The following CEP295 variants were observed in gnomAD, a reference collection of about 807,000 sequenced individuals.
The protein encoded by CEP295 is centrosomal protein 295.
Under a neutral mutation model 291.6 loss-of-function variants are expected in CEP295, and 190 were observed. That is an observed-to-expected ratio of 0.65 (90% CI 0.58 to 0.73). The LOEUF (loss-of-function observed/expected upper bound fraction) is 0.73. CEP295 is among the 30% of genes least tolerant of loss of function. CEP295 has a pLI of 0.00. For missense variants in CEP295, 2,863 were observed against 2,949.4 expected, an observed-to-expected ratio of 0.97 and a Z score of 0.68; for synonymous variants, 993 against 1,038.8, an observed-to-expected ratio of 0.96 and a Z score of 0.85.
In CEP295 at chr11:93,675,615, T is replaced by C. The variant is rs766307274; in HGVS notation, c.573T>C (p.Ser191=). The change falls in exon 6 of 30, where the codon TCT becomes TCC. Residue 191 remains serine (S), a synonymous_variant. Transcript: ENST00000325212. ...KRISAVKTNS[S]TYHHLHTFVN... ...TTTCTGCAGTCAAAACCAATAGTTC[T>C]ACCTACCATCATCTTCACACTTTTG... The C allele has an allele frequency of 6.6e-7, 1 of 1,513,706 alleles. No individual in the cohort carries two copies. Among genetic ancestry groups the C allele is most frequent in the South Asian group, 1.3e-5 (1 of 76,954 alleles). The allele number at this position is 1,513,706 out of a possible 1,614,324, so 93.8% of individuals were successfully genotyped here.
In CEP295 at chr11:93,721,307, T is replaced by C. The variant is rs1189704669; in HGVS notation, c.5750-5T>C. ...CCATCTTGAACTCCAAAATCCATTT[T>C]TCAGTTAAGCTGAAGGAATCTGTTG... On this transcript the variant is annotated splice_region_variant and splice_polypyrimidine_tract_variant and intron_variant, in intron 18 of 29. Transcript: ENST00000325212. 2.6e-6 allele frequency: 4 copies of C among 1,540,286 alleles called. No homozygotes were observed. The highest frequency in any genetic ancestry group is 3.5e-6 in the Non-Finnish European group (4 of 1,136,052).
At position 93,727,241 on chromosome 11, in the gene CEP295, T is replaced by C; in HGVS notation, c.6765T>C (p.His2255=). The part of the protein sequence containing the change: ...ANVFDQLNVQ[H]STPCGSNSSE... ...TATTTGATCAGTTAAATGTACAGCATAGCACTCCATGTGGTTCTAACTCTA... is the reference window on the plus strand; with the variant it reads ...TATTTGATCAGTTAAATGTACAGCACAGCACTCCATGTGGTTCTAACTCTA... Residue 2255 remains histidine, a synonymous_variant, in exon 24 of 30, where the codon CAT becomes CAC. Coordinates refer to ENST00000325212, the MANE Select transcript of CEP295 (RefSeq NM_033395.2). 6.4e-7 allele frequency: 1 copy of C among 1,551,756 alleles called. No individual in the cohort carries two copies. Among genetic ancestry groups the C allele is most frequent in the Non-Finnish European group, 8.7e-7 (1 of 1,146,964 alleles).
intron 6 of CEP295, among the ~76,000 whole-genome samples, chr11:93,677,801 G>A (rs1262686259): frequency 6.6e-6 from 1 of 152,068 alleles, no homozygotes; most frequent in African/African-American, 2.4e-5. Flanking sequence ...AATATCTGAT[G>A]TACAAGATTC....
chr11:93,717,022 G>A (rs1361625063), intron 18 of CEP295, among the ~76,000 whole-genome samples: 2 of 152,202 alleles, frequency 1.3e-5, no homozygotes, highest in Non-Finnish European at 2.9e-5. Flanking sequence ...TATGTTGAAG[G>A]AGTGCTGGGA....
chr11:93,694,404 A>G (rs1275468241), intron 12 of CEP295, among the ~76,000 whole-genome samples: 1 of 152,198 alleles, frequency 6.6e-6, no homozygotes, highest in Non-Finnish European at 1.5e-5. Context: ...CCACTGATAG[A>G]AGATTTACTT....
At chr11:93,722,312 G>C (rs924017790) in intron 20 of CEP295, among the ~76,000 whole-genome samples, 3 of 151,864 alleles carry the variant, frequency 2.0e-5, no homozygotes, top group Admixed American at 2.0e-4. Context: ...AAATACAAAA[G>C]TTAGCCAGGT....
At position 93,667,787 on chromosome 11, in the gene CEP295, C is replaced by T; in HGVS notation, c.289C>T (p.His97Tyr). ...LASLRSMGEG[H>Y]RQAKENEPDL... ...AAGTTTAAGAAGTATGGGAGAGGGA[C>T]ATCGACAGGCCAAAGAAAATGTGAG... Residue 97 changes from histidine (H) to tyrosine (Y), a missense_variant, in exon 3 of 30, where the codon CAT (histidine) becomes TAT (tyrosine). This residue lies in a region of CEP295 where 554 missense variants were observed against 576.0 expected (regional missense o/e 0.96). Coordinates refer to ENST00000325212, the MANE Select transcript of CEP295 (RefSeq NM_033395.2). The T allele has an allele frequency of 1.9e-6, 3 of 1,550,136 alleles. No individual in the cohort carries two copies. The highest frequency in any genetic ancestry group is 2.4e-5 in the East Asian group (1 of 40,878).
At chr11:93,694,528 C>G (rs974901128) in intron 12 of CEP295, among the ~76,000 whole-genome samples, 1 of 152,100 alleles carries the variant, frequency 6.6e-6, no homozygotes, top group Non-Finnish European at 1.5e-5. Context: ...ATCAAAATTG[C>G]CAGCATTACT....
intron 16 of CEP295, 38 bp from the exon 17 acceptor site, chr11:93,702,738 A>AT: frequency 6.5e-7 from 1 of 1,547,608 alleles, no homozygotes; most frequent in Non-Finnish European, 8.7e-7. Flanking sequence ...ATGTTAATAG[A>AT]TTTTGTATTG....
chr11:93,696,971 G>T lies in CEP295; in HGVS notation c.2059G>T (p.Val687Leu), dbSNP rs748628916. 1.2e-5 allele frequency: 18 copies of T among 1,551,732 alleles called. No homozygotes were observed. The highest frequency in any genetic ancestry group is 1.6e-5 in the Non-Finnish European group (18 of 1,147,044). Residue 687 changes from valine to leucine, a missense_variant, in exon 15 of 30, where the codon GTG becomes TTG. Transcript: ENST00000325212. ...ARQNHFPQRQ[V>L]ETTETLRASD... ...ACAAAATCACTTTCCACAAAGACAGGTGGAAACAACAGAAACATTACGCGC... is the reference window on the plus strand; with the variant it reads ...ACAAAATCACTTTCCACAAAGACAGTTGGAAACAACAGAAACATTACGCGC...
At chr11:93,729,383 C>T in intron 25 of CEP295, 51 bp from the exon 26 acceptor site, 1 of 1,258,706 alleles carries the variant, frequency 7.9e-7, no homozygotes, top group Admixed American at 2.0e-5. Context: ...CAGAGCAAGA[C>T]CCGCTTAAAG....
At chr11:93,726,470 C>A (rs981382763) in intron 23 of CEP295, among the ~76,000 whole-genome samples, 2 of 152,194 alleles carry the variant, frequency 1.3e-5, no homozygotes, top group Non-Finnish European at 2.9e-5. Flanking sequence ...TATAGTGGCT[C>A]ACGCCTGTAA....
intron 6 of CEP295, 145 bp downstream of exon 6, chr11:93,675,811 T>G (rs151011806): frequency 1.1e-5 from 6 of 525,870 alleles, no homozygotes; most frequent in African/African-American, 8.1e-5. Flanking sequence ...TTAAATGCTT[T>G]GAATTTTCAT....
intron 7 of CEP295, among the ~76,000 whole-genome samples, chr11:93,681,921 A>G (rs1944105): frequency 0.91 from 137,745 of 151,544 alleles, 63,578 homozygotes; most frequent in Non-Finnish European, 0.99. Context: ...TGAGGATTCA[A>G]TGAGTTTTCC....
At chr11:93,725,089 T>C (rs1489602417) in intron 22 of CEP295, among the ~76,000 whole-genome samples, 1 of 151,936 alleles carries the variant, frequency 6.6e-6, no homozygotes, top group South Asian at 2.1e-4. Flanking sequence ...ATCCCATCTC[T>C]ACTAAAAAAC....
chr11:93,720,430 C>T (rs1015984336), intron 18 of CEP295, among the ~76,000 whole-genome samples: 9 of 139,652 alleles, frequency 6.4e-5, no homozygotes, highest in African/African-American at 2.1e-4. Context: ...GTCGAGATTG[C>T]GCCACTGCAT....
chr11:93,715,668 T>C (rs1312203247), intron 18 of CEP295, among the ~76,000 whole-genome samples: 2 of 152,002 alleles, frequency 1.3e-5, no homozygotes, highest in African/African-American at 2.4e-5. Flanking sequence ...CTACCACTGC[T>C]AGGACCCAAG....
Position 93,699,511 on chromosome 11 carries a change from A to G in CEP295, c.4599A>G (p.Arg1533=), listed in dbSNP as rs1373002720. 1.2e-5 allele frequency: 18 copies of G among 1,551,834 alleles called. No homozygotes were observed. Among genetic ancestry groups the G allele is most frequent in the Non-Finnish European group, 1.6e-5 (18 of 1,147,044 alleles). Residue 1533 remains arginine (R), a synonymous_variant, in exon 15 of 30, where the codon AGA becomes AGG. Coordinates refer to ENST00000325212, the MANE Select transcript of CEP295 (RefSeq NM_033395.2). ...QEVQEELLLQ[R]LSELEKRVSS... is the part of the protein sequence containing the mutation. ...TCCAAGAAGAATTGCTTTTGCAAAGATTAAGTGAATTGGAGAAAAGGGTAT... is the reference window on the plus strand; with the variant it reads ...TCCAAGAAGAATTGCTTTTGCAAAGGTTAAGTGAATTGGAGAAAAGGGTAT...
At chr11:93,702,429 T>C in intron 15 of CEP295, 31 bp from the exon 16 acceptor site, 1 of 1,456,462 alleles carries the variant, frequency 6.9e-7, no homozygotes, top group Non-Finnish European at 9.1e-7. Context: ...CCCCAACTTG[T>C]GCTTCCCCAC....
Sources: gnomAD v4.1 joint callset for allele counts (sites outside exome capture counted in the v4.1 genomes callset) on GRCh38, gnomAD v4.1.1 for gene constraint, gnomAD v4.1.1 regional missense constraint, MANE v1.5 for transcripts, NCBI Gene and HGNC (gene_info 2026-07-23, HGNC 2026-07-21) for gene names.